Variants in RSF1 observed in about 807,000 individuals in gnomAD.
The protein encoded by RSF1 is remodeling and spacing factor 1.
A neutral mutation model predicts 145.2 loss-of-function variants in RSF1; 13 were observed. The observed-to-expected ratio is 0.09, with a 90% CI of 0.06 to 0.14. RSF1 has a LOEUF of 0.14. Ranked by LOEUF, RSF1 falls within the 10% of genes least tolerant of loss-of-function variation. The pLI, the probability that RSF1 is intolerant of heterozygous loss-of-function variation, is 1.00. For synonymous variants in RSF1, 577 were observed against 592.6 expected (o/e 0.97, Z 0.38); for missense variants, 1,517 against 1,718.2 (o/e 0.88, Z 2.07).
At chr11:77,823,909 A>G (rs1162517520), upstream of RSF1, among the ~76,000 whole-genome samples, 2 of 152,000 alleles carry the variant, frequency 1.3e-5, no homozygotes, top group South Asian at 2.1e-4. Context: ...GTTGTGAAAT[A>G]ACATTCTAAA....
chr11:77,701,543 A>G lies in RSF1; in HGVS notation c.1686T>C (p.Cys562=). 6.2e-7 allele frequency: 1 copy of G among 1,614,070 alleles called. No homozygotes were observed. The highest frequency in any genetic ancestry group is 1.1e-5 in the South Asian group (1 of 91,074). The change falls in exon 6 of 16, where the codon TGT becomes TGC. Residue 562 remains cysteine, a synonymous_variant. Transcript: ENST00000308488. ...SKTALSSTES[C]TMKGEEKSPK... is the part of the protein sequence containing the mutation. The stretch of plus-strand genomic sequence containing the variant: ...GAGACTTCTCTTCACCTTTCATGGT[A>G]CACGACTCGGTGGAAGATAAAGCAG...
the RSF1 span, chr11:77,869,918 T>C: frequency 1.5e-5 from 17 of 1,114,142 alleles, no homozygotes; most frequent in African/African-American, 1.9e-4. Context: ...TTATATATCA[T>C]GTACCCTCAT....
At chr11:77,693,364 A>T in intron 8 of RSF1, 143 bp downstream of exon 8, 1 of 524,306 alleles carries the variant, frequency 1.9e-6, no homozygotes, top group Non-Finnish European at 3.4e-6. Flanking sequence ...AAAAGCTATT[A>T]ATAAAAGGTA....
At chr11:77,741,595 T>C (rs1947939678) in intron 3 of RSF1, among the ~76,000 whole-genome samples, 2 of 152,092 alleles carry the variant, frequency 1.3e-5, no homozygotes, top group African/African-American at 4.8e-5. Context: ...CAAATAAAAA[T>C]TGCATATATT....
intron 1 of RSF1, among the ~76,000 whole-genome samples, chr11:77,780,566 C>T (rs761691185): frequency 1.7e-4 from 26 of 152,156 alleles, no homozygotes; most frequent in Non-Finnish European, 4.4e-5. Flanking sequence ...TGGCTCACAC[C>T]TGTAATCCCA....
chr11:77,840,955 A>G, the RSF1 span: 1 of 487,800 alleles, frequency 2.1e-6, no homozygotes, highest in Non-Finnish European at 3.7e-6. Flanking sequence ...TTGTGCTCCT[A>G]TAACTGAATA....
chr11:77,698,410 C>A, intron 7 of RSF1, 77 bp downstream of exon 7: 3 of 1,153,782 alleles, frequency 2.6e-6, no homozygotes, highest in Non-Finnish European at 2.6e-6. Flanking sequence ...ATGATAAAAC[C>A]CAGAAGAGTT....
the RSF1 span, among the ~76,000 whole-genome samples, chr11:77,860,378 G>T: frequency 6.6e-6 from 1 of 152,242 alleles, no homozygotes; most frequent in African/African-American, 2.4e-5. Context: ...TTGGGATGAG[G>T]ATAAGCCAGT....
chr11:77,855,679 A>G, the RSF1 span, among the ~76,000 whole-genome samples: 1 of 145,512 alleles, frequency 6.9e-6, no homozygotes, highest in Non-Finnish European at 1.5e-5. Flanking sequence ...TCAAACCTTT[A>G]TAATCTGCTT....
intron 1 of RSF1, among the ~76,000 whole-genome samples, chr11:77,767,792 A>G (rs1948241139): frequency 6.6e-6 from 1 of 152,218 alleles, no homozygotes; most frequent in African/African-American, 2.4e-5. Flanking sequence ...AAACCTTTGC[A>G]CCAGTGTTTT....
intron 1 of RSF1, among the ~76,000 whole-genome samples, chr11:77,770,901 C>G (rs1455914465): frequency 6.6e-6 from 1 of 152,134 alleles, no homozygotes; most frequent in African/African-American, 2.4e-5. Context: ...AAGTGAGTAA[C>G]CCACACAGCA....
chr11:77,828,895 T>G, the RSF1 span, among the ~76,000 whole-genome samples: 1 of 152,130 alleles, frequency 6.6e-6, no homozygotes, highest in South Asian at 2.1e-4. Context: ...ATATGGAAAT[T>G]CAGAGAACCC....
the RSF1 span, among the ~76,000 whole-genome samples, chr11:77,830,281 T>C: frequency 6.6e-6 from 1 of 152,218 alleles, no homozygotes; most frequent in Admixed American, 6.5e-5. Context: ...CTGGAGGCTA[T>C]ATGATCAAAC....
At chr11:77,806,757 T>TTAAAAAAACAAAAATTAAATGAG (rs1472631001) in intron 1 of RSF1, among the ~76,000 whole-genome samples, 4 of 151,258 alleles carry the variant, frequency 2.6e-5, no homozygotes. Flanking sequence ...ACCTGAGTCA[T>TTAAAAAAACAAAAATTAAATGAG]TAAAAAAACA....
At chr11:77,698,373 A>C in intron 7 of RSF1, 114 bp downstream of exon 7, 1 of 844,820 alleles carries the variant, frequency 1.2e-6, no homozygotes, top group Admixed American at 2.1e-5. Flanking sequence ...TCTGTAGCAT[A>C]CAAGTTATCA....
chr11:77,685,257 C>T (rs550059226), intron 9 of RSF1, 98 bp from the exon 10 acceptor site: 4 of 615,424 alleles, frequency 6.5e-6, no homozygotes, highest in Admixed American at 3.2e-5. Context: ...TACAATTTCA[C>T]GTTAACAGCA....
the RSF1 span, among the ~76,000 whole-genome samples, chr11:77,848,761 T>C: frequency 6.6e-6 from 1 of 152,056 alleles, no homozygotes; most frequent in Non-Finnish European, 1.5e-5. Context: ...CAGGTCAGAT[T>C]GTAACTTGCT....
rs76166531 is a variant in RSF1 at position 77,701,096 on chromosome 11, A to C, written c.2133T>G (p.Val711=). The C allele has an allele frequency of 1.7e-3, 2,813 of 1,613,430 alleles. 5 individuals are homozygous for C. Among genetic ancestry groups the C allele is most frequent in the Admixed American group, 2.1e-3 (127 of 59,850 alleles). ...CTGAGGCAGTGGTTTCTTCTTCAGG[A>C]ACCAACTTATATTTGAATTTGCTTT... ...MQKSKFKYKL[V]PEEETTASEN... The change falls in exon 6 of 16, where the codon GTT becomes GTG. Residue 711 remains valine (V), a synonymous_variant. Transcript: ENST00000308488.
chr11:77,669,731 T>A (rs1039449880), intron 15 of RSF1, among the ~76,000 whole-genome samples: 11 of 152,208 alleles, frequency 7.2e-5, no homozygotes, highest in African/African-American at 2.4e-4. Flanking sequence ...ATTTTTTATG[T>A]AAGAGGCAGG....
Sources: gnomAD v4.1 joint callset for allele counts (sites outside exome capture counted in the v4.1 genomes callset) on GRCh38, gnomAD v4.1.1 for gene constraint, MANE v1.5 for transcripts, NCBI Gene and HGNC (gene_info 2026-07-23, HGNC 2026-07-21) for gene names.